DLC1: variants seen among roughly 807,000 people sequenced by gnomAD.
DLC1 encodes DLC1 Rho GTPase activating protein.
DLC1 carries 54 observed loss-of-function variants against 140.3 expected under a neutral mutation model. The ratio of observed to expected loss-of-function variants is 0.38; its 90% confidence interval spans 0.31 to 0.48. The LOEUF (loss-of-function observed/expected upper bound fraction) is 0.48. Among genes scored for constraint, DLC1 ranks in the 20% least tolerant of loss-of-function variants. The pLI, the probability that DLC1 is intolerant of heterozygous loss-of-function variation, is 0.96. For missense variants in DLC1, 2,536 were observed against 1,907.0 expected, an observed-to-expected ratio of 1.33 and a Z score of -6.14; for synonymous variants, 986 against 728.1, an observed-to-expected ratio of 1.35 and a Z score of -5.70.
intron 5 of DLC1, among the ~76,000 whole-genome samples, chr8:13,134,990 C>A (rs545660121): frequency 6.6e-6 from 1 of 152,136 alleles, no homozygotes; most frequent in South Asian, 2.1e-4. Flanking sequence ...AAAAGCGGTG[C>A]TGTGAGGGCC....
At chr8:13,329,417 G>A (rs761707759) in intron 4 of DLC1, among the ~76,000 whole-genome samples, 1 of 152,042 alleles carries the variant, frequency 6.6e-6, no homozygotes, top group Non-Finnish European at 1.5e-5. Context: ...TGTTGATTCT[G>A]GCCTGTGGGA....
intron 1 of DLC1, among the ~76,000 whole-genome samples, chr8:13,581,663 C>G (rs911019042): frequency 1.3e-5 from 2 of 152,108 alleles, no homozygotes; most frequent in African/African-American, 4.8e-5. Context: ...CCCTGTAATC[C>G]AGTCTACATA....
intron 5 of DLC1, among the ~76,000 whole-genome samples, chr8:13,215,921 G>T (rs1828179740): frequency 6.6e-6 from 1 of 152,166 alleles, no homozygotes; most frequent in Admixed American, 6.5e-5. Flanking sequence ...CCTGCTGGGA[G>T]TGGCTGCTCG....
intron 2 of DLC1, among the ~76,000 whole-genome samples, chr8:13,443,704 A>T: frequency 6.6e-6 from 1 of 152,110 alleles, no homozygotes; most frequent in East Asian, 1.9e-4. Context: ...AAGAAAAATA[A>T]TTAGGGAAGC....
At chr8:13,158,903 C>T (rs1352570622) in intron 5 of DLC1, among the ~76,000 whole-genome samples, 1 of 152,106 alleles carries the variant, frequency 6.6e-6, no homozygotes, top group Non-Finnish European at 1.5e-5. Flanking sequence ...ATACAACTAA[C>T]ACTGGAGTCT....
intron 2 of DLC1, among the ~76,000 whole-genome samples, chr8:13,458,128 C>G (rs11786801): frequency 6.6e-6 from 1 of 152,062 alleles, no homozygotes; most frequent in African/African-American, 2.4e-5. Context: ...TAGAAAGAGT[C>G]TAGACACTAT....
chr8:13,572,088 A>ATTTTTT (rs142718239), intron 1 of DLC1, among the ~76,000 whole-genome samples: 1 of 60,648 alleles, frequency 1.6e-5, no homozygotes, highest in Non-Finnish European at 3.6e-5. Flanking sequence ...TATTATTATT[A>ATTTTTT]TTATTTATTT....
chr8:13,128,812 G>A (rs1821819187), intron 5 of DLC1, among the ~76,000 whole-genome samples: 1 of 148,552 alleles, frequency 6.7e-6, no homozygotes. Context: ...TCCAGCCTGG[G>A]CGACAGAGAG....
chr8:13,100,579 G>T lies in DLC1; in HGVS notation c.1758C>A (p.Ser586Arg). ...GGACGGAAGACACCTCCTGGCGCTC[G>T]CTGAGGTCCATCAGCGTGCCTCCGG... The part of the protein sequence containing the change: ...PSPGGTLMDL[S>R]ERQEVSSVRS... Residue 586 changes from serine (S) to arginine (R), a missense_variant, in exon 9 of 18, where the codon AGC becomes AGA. Transcript: ENST00000276297. The T allele has an allele frequency of 6.2e-7, 1 of 1,613,668 alleles. No homozygotes were observed. The highest frequency in any genetic ancestry group is 1.3e-5 in the African/African-American group (1 of 75,064).
intron 5 of DLC1, among the ~76,000 whole-genome samples, chr8:13,149,716 G>C (rs959419247): frequency 1.3e-5 from 2 of 152,176 alleles, no homozygotes; most frequent in African/African-American, 2.4e-5. Flanking sequence ...GCCAGCCTTA[G>C]GAGCAGTTGG....
chr8:13,128,097 T>C (rs969583169), intron 5 of DLC1, among the ~76,000 whole-genome samples: 3 of 151,964 alleles, frequency 2.0e-5, no homozygotes, highest in Non-Finnish European at 4.4e-5. Context: ...TGATGAATGA[T>C]TAAGAGAAAC....
At position 13,578,602 on chromosome 8, in the gene DLC1, G is replaced by C. The variant is rs951867740; in HGVS notation, c.-126+25935C>G. Among the ~76,000 whole-genome samples, 38 of 152,098 alleles carry C rather than the reference G, an allele frequency of 2.5e-4. 2 individuals are homozygous for C. The highest frequency in any genetic ancestry group is 1.7e-3 in the Admixed American group (26 of 15,270). ...TCTGACTGACCTGCTATAAATCCAG[G>C]GTTCCCAGGACCCTCTCCTCAGGTT... On this transcript the variant is annotated intron_variant, in intron 1 of 1. Transcript: ENST00000631382.
At chr8:13,337,087 T>C (rs1396244779) in intron 4 of DLC1, among the ~76,000 whole-genome samples, 2 of 152,146 alleles carry the variant, frequency 1.3e-5, no homozygotes, top group African/African-American at 2.4e-5. Flanking sequence ...TGTGTTCAAA[T>C]ACCTGCTTGA....
At chr8:13,523,603 G>T (rs1415538888) in intron 1 of DLC1, among the ~76,000 whole-genome samples, 1 of 152,084 alleles carries the variant, frequency 6.6e-6, no homozygotes, top group African/African-American at 2.4e-5. Flanking sequence ...GAGAGGGTGT[G>T]TAAATAAAAT....
At chr8:13,470,127 C>T (rs1399430665) in intron 2 of DLC1, among the ~76,000 whole-genome samples, 2 of 152,074 alleles carry the variant, frequency 1.3e-5, no homozygotes, top group South Asian at 2.1e-4. Context: ...TTTAATAAAA[C>T]TTTTGAATAA....
At chr8:13,566,273 G>A (rs1804424737) in intron 1 of DLC1, among the ~76,000 whole-genome samples, 1 of 152,154 alleles carries the variant, frequency 6.6e-6, no homozygotes, top group Non-Finnish European at 1.5e-5. Flanking sequence ...GAGGACGGGC[G>A]TGGATATGCT....
At chr8:13,128,498 A>G (rs1268749370) in intron 5 of DLC1, among the ~76,000 whole-genome samples, 1 of 152,214 alleles carries the variant, frequency 6.6e-6, no homozygotes, top group Admixed American at 6.5e-5. Flanking sequence ...CGTAAGGGCC[A>G]CAATAGAGAA....
intron 1 of DLC1, among the ~76,000 whole-genome samples, chr8:13,544,092 T>C (rs1481365835): frequency 6.6e-6 from 1 of 152,152 alleles, no homozygotes; most frequent in African/African-American, 2.4e-5. Context: ...TCATTAGTTT[T>C]ATATTAGCAT....
At chr8:13,584,824 C>T (rs1805243066) in intron 1 of DLC1, among the ~76,000 whole-genome samples, 2 of 152,142 alleles carry the variant, frequency 1.3e-5, no homozygotes, top group Admixed American at 6.5e-5. Context: ...TCTTCCTACC[C>T]AATCCTCCCT....
Sources: gnomAD v4.1 joint callset for allele counts (sites outside exome capture counted in the v4.1 genomes callset) on GRCh38, gnomAD v4.1.1 for gene constraint, MANE v1.5 for transcripts, NCBI Gene and HGNC (gene_info 2026-07-23, HGNC 2026-07-21) for gene names.